Variants in FOXP2 observed in about 807,000 individuals in gnomAD.
The protein encoded by FOXP2 is forkhead box P2, also known as forkhead box protein P2.
In FOXP2, 12 loss-of-function variants were observed where a neutral mutation model predicts 115.8. The observed-to-expected ratio is 0.10, with a 90% confidence interval of 0.07 to 0.17. The LOEUF (loss-of-function observed/expected upper bound fraction) is 0.17, where lower values mean the gene tolerates loss of function less well. Ranked by LOEUF, FOXP2 falls within the 10% of genes least tolerant of loss-of-function variation. The probability of loss-of-function intolerance (pLI) is 1.00; values close to 1 mark genes in which losing one functional copy is unlikely to be tolerated. For synonymous variants in FOXP2, 328 were observed against 297.7 expected, an observed-to-expected ratio of 1.10 and a Z score of -1.05; for missense variants, 629 against 843.5, an observed-to-expected ratio of 0.75 and a Z score of 3.15.
At chr7:114,578,889 C>T (rs751033861) in intron 3 of FOXP2, among the ~76,000 whole-genome samples, 2 of 152,008 alleles carry the variant, frequency 1.3e-5, no homozygotes, top group Non-Finnish European at 2.9e-5. Flanking sequence ...AGATTTATTG[C>T]TTATGTTCTT....
At chr7:114,497,706 TAAAA>T (rs1562961090) in intron 2 of FOXP2, among the ~76,000 whole-genome samples, 4 of 131,744 alleles carry the variant, frequency 3.0e-5, no homozygotes, top group Admixed American at 7.7e-5. Context: ...AATAAATAAA[TAAAA>T]GTTGCATTTA....
intron 1 of FOXP2, among the ~76,000 whole-genome samples, chr7:114,193,508 T>C (rs1282601683): frequency 6.6e-6 from 1 of 151,918 alleles, no homozygotes; most frequent in Non-Finnish European, 1.5e-5. Context: ...CATAATATAA[T>C]ACATTATATT....
intron 16 of FOXP2, among the ~76,000 whole-genome samples, chr7:114,680,681 G>T (rs1003952886): frequency 2.6e-5 from 4 of 151,760 alleles, no homozygotes; most frequent in African/African-American, 9.7e-5. Context: ...GAAGGCGGAG[G>T]TTGCAGTGAG....
At chr7:114,405,382 CA>C (rs1793011509) in intron 2 of FOXP2, among the ~76,000 whole-genome samples, 1 of 151,770 alleles carries the variant, frequency 6.6e-6, no homozygotes, top group Non-Finnish European at 1.5e-5. Context: ...ATGAGTAAAA[CA>C]AATAGTAATA....
intron 11 of FOXP2, among the ~76,000 whole-genome samples, chr7:114,658,775 G>T (rs1470540182): frequency 6.6e-6 from 1 of 152,124 alleles, no homozygotes; most frequent in African/African-American, 2.4e-5. Context: ...GCATTTGCAT[G>T]GAACACAAAT....
rs139451958 is a variant in FOXP2 at position 114,489,401 on chromosome 7, A to G, written c.169-45216A>G. Among the ~76,000 whole-genome samples, 407 of 152,244 alleles carry G rather than the reference A, an allele frequency of 2.7e-3. 2 individuals carry two copies. Among genetic ancestry groups the G allele is most frequent in the African/African-American group, 9.4e-3 (391 of 41,548 alleles). Reference sequence around the variant, plus strand: ...GGAAATAGTCAATTCATCTAACTACATGAATATTTGAGTTAGCCAGAGGTA... The same window carrying G: ...GGAAATAGTCAATTCATCTAACTACGTGAATATTTGAGTTAGCCAGAGGTA... On this transcript the variant is annotated intron_variant, in intron 2 of 16. Coordinates refer to ENST00000350908, the MANE Select transcript of FOXP2 (RefSeq NM_014491.4).
At chr7:114,548,207 C>A (rs887660122) in intron 3 of FOXP2, among the ~76,000 whole-genome samples, 8 of 152,222 alleles carry the variant, frequency 5.3e-5, no homozygotes, top group African/African-American at 1.9e-4. Context: ...AAAATAGGTG[C>A]AGACCAGCTG....
chr7:114,091,872 A>C (rs1447759978), intron 1 of FOXP2, among the ~76,000 whole-genome samples: 1 of 151,942 alleles, frequency 6.6e-6, no homozygotes, highest in Admixed American at 6.6e-5. Flanking sequence ...TGATTATTGA[A>C]ATACACATTC....
intron 2 of FOXP2, among the ~76,000 whole-genome samples, chr7:114,294,817 G>A (rs535052027): frequency 1.3e-5 from 2 of 151,364 alleles, no homozygotes; most frequent in East Asian, 3.9e-4. Flanking sequence ...TTCCAGCCTG[G>A]GCAACAGAAG....
rs536471298 is a variant in FOXP2, at chr7:114,580,312, T to C, written c.258+45606T>C. 1.2e-4 allele frequency among the ~76,000 whole-genome samples: 19 copies of C among 152,326 alleles called. No individual in the cohort carries two copies. In the East Asian group the frequency reaches 3.1e-3, roughly 25 times the overall value. ...AAGAAAGAAGGACGGGCACGGTGGC[T>C]CACGCCTGTAATCCCAGCACTTTGG... On this transcript the variant is annotated intron_variant, in intron 3 of 16. Coordinates refer to ENST00000350908, the MANE Select transcript of FOXP2 (RefSeq NM_014491.4).
Position 114,693,401 on chromosome 7 carries a change from AAT to A in FOXP2, c.*3478_*3479del. On this transcript the variant is annotated 3_prime_UTR_variant, in exon 17 of 17. Coordinates refer to ENST00000350908, the MANE Select transcript of FOXP2 (RefSeq NM_014491.4). ...CTGGGCAGATTCAGTCGCAAAATCC[AAT>A]ATGATATTTTGTAAAGTTTTCAAGT... 1 of 453,796 alleles carries A rather than the reference AAT, an allele frequency of 2.2e-6. No individual in the cohort carries two copies. The highest frequency in any genetic ancestry group is 4.4e-6 in the Non-Finnish European group (1 of 226,602). 28.1% of individuals were successfully genotyped at this position (453,796 alleles called of 1,614,324 possible). A position where few individuals can be genotyped will look rare whatever the true frequency, so the allele number is the denominator to read the frequency against.
At chr7:114,170,613 G>A (rs554609198) in intron 1 of FOXP2, among the ~76,000 whole-genome samples, 1 of 152,286 alleles carries the variant, frequency 6.6e-6, no homozygotes, top group African/African-American at 2.4e-5. Flanking sequence ...AATGAAACAG[G>A]CTTACTGTTG....
At chr7:114,633,205 G>GTAA (rs1171422624) in intron 6 of FOXP2, among the ~76,000 whole-genome samples, 5 of 152,046 alleles carry the variant, frequency 3.3e-5, no homozygotes, top group African/African-American at 1.2e-4. Flanking sequence ...GAAACACAGT[G>GTAA]TAACTTGTTT....
At chr7:114,325,688 A>T (rs973562484) in intron 2 of FOXP2, among the ~76,000 whole-genome samples, 1 of 152,094 alleles carries the variant, frequency 6.6e-6, no homozygotes, top group Admixed American at 6.5e-5. Context: ...AAATATATGG[A>T]GGAAAATAAT....
chr7:114,171,389 A>G (rs1335475008), intron 1 of FOXP2, among the ~76,000 whole-genome samples: 3 of 152,296 alleles, frequency 2.0e-5, no homozygotes, highest in Non-Finnish European at 4.4e-5. Flanking sequence ...CCTGGGCAAC[A>G]TAACGAGACC....
chr7:114,322,180 G>T (rs2129181546), intron 2 of FOXP2, among the ~76,000 whole-genome samples: 1 of 151,694 alleles, frequency 6.6e-6, no homozygotes, highest in East Asian at 2.0e-4. Context: ...ATGCCACCAT[G>T]CCCAGCTAAT....
intron 1 of FOXP2, among the ~76,000 whole-genome samples, chr7:114,199,920 T>C (rs1333351893): frequency 6.6e-6 from 1 of 152,192 alleles, no homozygotes; most frequent in Non-Finnish European, 1.5e-5. Context: ...GCTATCATCT[T>C]CTCTTGGTAA....
chr7:114,109,728 A>G (rs1040957878), intron 1 of FOXP2, among the ~76,000 whole-genome samples: 2 of 152,166 alleles, frequency 1.3e-5, no homozygotes, highest in Non-Finnish European at 2.9e-5. Context: ...AAAATTTCCT[A>G]AAAGATTGTA....
At chr7:114,512,000 T>C (rs928069710) in intron 2 of FOXP2, among the ~76,000 whole-genome samples, 2 of 152,182 alleles carry the variant, frequency 1.3e-5, no homozygotes, top group Admixed American at 6.5e-5. Flanking sequence ...ATAATCATAC[T>C]ATATGTCATT....
Sources: gnomAD v4.1 joint callset for allele counts (sites outside exome capture counted in the v4.1 genomes callset) on GRCh38, gnomAD v4.1.1 for gene constraint, MANE v1.5 for transcripts, NCBI Gene and HGNC (gene_info 2026-07-23, HGNC 2026-07-21) for gene names.